CRYBA4: variants seen among roughly 807,000 people sequenced by gnomAD.
CRYBA4 encodes beta-crystallin A4.
In CRYBA4, 30 loss-of-function variants were observed where a neutral mutation model predicts 31.7. The observed-to-expected ratio is 0.95, with a 90% CI of 0.71 to 1.28. The LOEUF is 1.28. Ranked by LOEUF, CRYBA4 falls within the 50% of genes most tolerant of loss-of-function variation. The pLI is 0.00. For missense variants in CRYBA4, 225 were observed against 260.7 expected, an observed-to-expected ratio of 0.86 and a Z score of 0.94; for synonymous variants, 102 against 102.3, an observed-to-expected ratio of 1.00 and a Z score of 0.02.
Position 26,630,512 on chromosome 22 carries a change from C to A in CRYBA4, c.*25C>A. 1 of 1,605,058 alleles carries A rather than the reference C, an allele frequency of 6.2e-7. No individual in the cohort carries two copies. The highest frequency in any genetic ancestry group is 1.1e-5 in the South Asian group (1 of 90,596). On this transcript the variant is annotated 3_prime_UTR_variant, in exon 6 of 6. Coordinates refer to ENST00000354760, the MANE Select transcript of CRYBA4 (RefSeq NM_001886.3). ...AACAGGGGTGCGGCACGGAGGAGCG[C>A]ATGCGTGCTTATCTGCAATGGAGGC...
the CRYBA4 span, chr22:26,616,225 G>T: frequency 6.2e-7 from 1 of 1,614,076 alleles, no homozygotes; most frequent in Non-Finnish European, 8.5e-7. Flanking sequence ...GGGACTAGGG[G>T]ATGTTCCTGC....
the CRYBA4 span, chr22:26,601,751 A>G: frequency 3.4e-6 from 5 of 1,466,980 alleles, no homozygotes; most frequent in Non-Finnish European, 4.6e-6. Flanking sequence ...AGGAACCAGC[A>G]CTGGGAGACT....
chr22:26,611,226 C>A, the CRYBA4 span, among the ~76,000 whole-genome samples: 5 of 152,176 alleles, frequency 3.3e-5, no homozygotes, highest in Non-Finnish European at 7.4e-5. Context: ...AGACTCACCC[C>A]CTCTGAGCCT....
upstream of CRYBA4, among the ~76,000 whole-genome samples, chr22:26,618,480 G>T (rs1028742992): frequency 4.8e-5 from 7 of 144,494 alleles, no homozygotes; most frequent in Non-Finnish European, 8.8e-5. Flanking sequence ...ATATAGAAAA[G>T]AAGGTGACAA....
At chr22:26,601,297 T>C in the CRYBA4 span, among the ~76,000 whole-genome samples, 1 of 152,124 alleles carries the variant, frequency 6.6e-6, no homozygotes, top group African/African-American at 2.4e-5. Flanking sequence ...CATAAGGTCA[T>C]GGGGCTCCGT....
the CRYBA4 span, among the ~76,000 whole-genome samples, chr22:26,596,108 A>G: frequency 7.2e-5 from 11 of 151,790 alleles, no homozygotes; most frequent in Non-Finnish European, 1.6e-4. Flanking sequence ...TTTTTATTTT[A>G]TTTTATTTTT....
the CRYBA4 span, among the ~76,000 whole-genome samples, chr22:26,603,784 C>G: frequency 6.6e-6 from 1 of 150,494 alleles, no homozygotes; most frequent in Non-Finnish European, 1.5e-5. Flanking sequence ...ATTAGCTGGG[C>G]GTGGTGGCAC....
chr22:26,615,136 C>T, the CRYBA4 span, among the ~76,000 whole-genome samples: 1 of 152,240 alleles, frequency 6.6e-6, no homozygotes, highest in East Asian at 1.9e-4. Flanking sequence ...CTGCCACGCA[C>T]TGACCACATG....
the CRYBA4 span, chr22:26,616,315 G>C: frequency 3.1e-6 from 5 of 1,613,286 alleles, no homozygotes; most frequent in African/African-American, 4.0e-5. Flanking sequence ...TGCAGCCTGA[G>C]ACATGGTTCC....
chr22:26,612,666 C>G, the CRYBA4 span, among the ~76,000 whole-genome samples: 148 of 152,348 alleles, frequency 9.7e-4, no homozygotes, highest in South Asian at 4.8e-3. Flanking sequence ...TGCCCTAATT[C>G]TGAAGCTAAG....
intron 4 of CRYBA4, among the ~76,000 whole-genome samples, chr22:26,626,586 C>A (rs1219653887): frequency 6.6e-6 from 1 of 152,136 alleles, no homozygotes; most frequent in East Asian, 1.9e-4. Flanking sequence ...TGCTTGGGAC[C>A]AGAAGTGTTT....
intron 3 of CRYBA4, among the ~76,000 whole-genome samples, chr22:26,624,898 C>A (rs1391433703): frequency 2.0e-5 from 3 of 152,174 alleles, no homozygotes; most frequent in African/African-American, 7.2e-5. Flanking sequence ...GTGGAAAGCC[C>A]CACATCTCAG....
chr22:26,627,508 CTTTCTTTCTTTCTTTCTCTT>C (rs1386033615), intron 4 of CRYBA4, among the ~76,000 whole-genome samples: 1 of 95,456 alleles, frequency 1.0e-5, no homozygotes, highest in Non-Finnish European at 2.1e-5. Context: ...TTCTTTCTTT[CTTTCTTTCTTTCTTTCTCTT>C]TCTTTCCTTT....
At chr22:26,627,443 T>C (rs1429065679) in intron 4 of CRYBA4, among the ~76,000 whole-genome samples, 12 of 122,682 alleles carry the variant, frequency 9.8e-5, no homozygotes, top group East Asian at 5.7e-4. Flanking sequence ...TCTTTCTTTC[T>C]TTCCTTCTTT....
chr22:26,630,496 G>A lies in CRYBA4; in HGVS notation c.*9G>A, dbSNP rs775076316. The A allele has an allele frequency of 1.4e-5, 23 of 1,611,684 alleles. No individual in the cohort carries two copies. The highest frequency in any genetic ancestry group is 1.6e-5 in the Non-Finnish European group (19 of 1,179,628). On this transcript the variant is annotated 3_prime_UTR_variant, in exon 6 of 6. Transcript: ENST00000354760. ...GCAGGATCCAGCAGTGAACAGGGGT[G>A]CGGCACGGAGGAGCGCATGCGTGCT...
At chr22:26,607,748 A>G in the CRYBA4 span, 3 of 1,115,980 alleles carry the variant, frequency 2.7e-6, no homozygotes, top group East Asian at 7.3e-5. Context: ...GAGCTCAAGA[A>G]TCCACGGTCC....
chr22:26,625,472 T>C lies in CRYBA4; in HGVS notation c.159-9T>C. The C allele has an allele frequency of 1.2e-6, 2 of 1,613,730 alleles. No individual in the cohort carries two copies. The highest frequency in any genetic ancestry group is 1.7e-6 in the Non-Finnish European group (2 of 1,179,978). On this transcript the variant is annotated splice_polypyrimidine_tract_variant and intron_variant, in intron 3 of 5. Coordinates refer to ENST00000354760, the MANE Select transcript of CRYBA4 (RefSeq NM_001886.3). ...CTTACCTCCTGCACACTCTACCCTC[T>C]GTCTGCAGGTGGGTGGGCTTTGAGC...
chr22:26,625,897 G>A (rs1030187372), intron 4 of CRYBA4, among the ~76,000 whole-genome samples: 13 of 150,296 alleles, frequency 8.6e-5, no homozygotes, highest in Non-Finnish European at 1.3e-4. Flanking sequence ...GCCCCTGCCA[G>A]TTTTGTGCCC....
the CRYBA4 span, chr22:26,599,784 C>G: frequency 1.2e-6 from 1 of 843,896 alleles, no homozygotes; most frequent in Non-Finnish European, 2.0e-6. Flanking sequence ...CGGCTGCTCT[C>G]TCACTTCTGT....
Sources: gnomAD v4.1 joint callset for allele counts (sites outside exome capture counted in the v4.1 genomes callset) on GRCh38, gnomAD v4.1.1 for gene constraint, MANE v1.5 for transcripts, NCBI Gene and HGNC (gene_info 2026-07-23, HGNC 2026-07-21) for gene names.